Variants in IFT43 observed in about 807,000 individuals in gnomAD.
IFT43 encodes intraflagellar transport protein 43 homolog.
IFT43 carries 33 observed loss-of-function variants against 32.3 expected under a neutral mutation model. The ratio of observed to expected loss-of-function variants is 1.02; its 90% CI spans 0.77 to 1.37. IFT43 has a LOEUF of 1.37. Among genes scored for constraint, IFT43 ranks in the 40% most tolerant of loss-of-function variants. The pLI, the probability that IFT43 is intolerant of heterozygous loss-of-function variation, is 0.00. For missense variants in IFT43, 274 were observed against 265.9 expected, an observed-to-expected ratio of 1.03 and a Z score of -0.21; for synonymous variants, 93 against 98.2, an observed-to-expected ratio of 0.95 and a Z score of 0.31.
At chr14:76,076,554 A>AT in intron 5 of IFT43, 1 of 1,612,600 alleles carries the variant, frequency 6.2e-7, no homozygotes, top group Non-Finnish European at 8.5e-7. Context: ...GGGTATACTC[A>AT]TTGCAAGCTG....
intron 3 of IFT43, among the ~76,000 whole-genome samples, chr14:76,048,231 C>T (rs1594844404): frequency 6.6e-6 from 1 of 152,186 alleles, no homozygotes; most frequent in South Asian, 2.1e-4. Flanking sequence ...ATAAAATTGT[C>T]TTTACTGCTA....
Position 75,995,597 on chromosome 14 carries a change from C to T in IFT43, c.147+6620C>T, listed in dbSNP as rs1022885039. On this transcript the variant is annotated intron_variant, in intron 2 of 8. Coordinates refer to ENST00000314067, the MANE Select transcript of IFT43 (RefSeq NM_001102564.3). ...GGAGCTCCCTTGGCACTTTGCATTA[C>T]GTCTCTCGCCCTCCGCCTGTCCCCT... Among the ~76,000 whole-genome samples the T allele has an allele frequency of 7.2e-5, 11 of 152,270 alleles. No individual in the cohort carries two copies. The East Asian group carries it at 7.7e-4, about 11-fold the overall frequency.
In IFT43 at chr14:76,082,630, C is replaced by T. The variant is rs537877088; in HGVS notation, c.382C>T (p.Arg128Trp). 1.2e-4 allele frequency: 200 copies of T among 1,614,154 alleles called. 2 individuals carry two copies. The South Asian group carries it at 2.0e-3, about 16-fold the overall frequency. ...TCTTTCCTTCAGCATCCAGATAAAG[C>T]GGGTGATGACCTACCGTGACCTGGA... The part of the protein sequence containing the change: ...VAAPPSIQIK[R>W]VMTYRDLDND... Residue 128 changes from arginine (R) to tryptophan (W), a missense_variant, in exon 7 of 9, where the codon CGG (arginine) becomes TGG (tryptophan). Transcript: ENST00000314067.
chr14:76,076,137 G>T (rs1001403201), intron 5 of IFT43, among the ~76,000 whole-genome samples: 1 of 152,246 alleles, frequency 6.6e-6, no homozygotes, highest in Admixed American at 6.5e-5. Context: ...CACTGAGTGG[G>T]AAAGAAATTT....
At chr14:75,995,640 G>A (rs2035730184) in intron 2 of IFT43, among the ~76,000 whole-genome samples, 1 of 152,110 alleles carries the variant, frequency 6.6e-6, no homozygotes, top group South Asian at 2.1e-4. Context: ...CTGCCAGCCA[G>A]GCAGTTATTT....
intron 5 of IFT43, among the ~76,000 whole-genome samples, chr14:76,071,409 A>G (rs1435886700): frequency 6.6e-6 from 1 of 152,224 alleles, no homozygotes; most frequent in Non-Finnish European, 1.5e-5. Context: ...GAGGAAACCA[A>G]AACTTTATGA....
intron 2 of IFT43, among the ~76,000 whole-genome samples, chr14:75,999,549 A>T (rs527689950): frequency 6.6e-6 from 1 of 152,062 alleles, no homozygotes; most frequent in Admixed American, 6.5e-5. Flanking sequence ...TCATATTCTA[A>T]GTGGGGAACC....
chr14:75,988,153 C>T (rs1251658180), intron 1 of IFT43, among the ~76,000 whole-genome samples: 1 of 152,156 alleles, frequency 6.6e-6, no homozygotes, highest in Non-Finnish European at 1.5e-5. Flanking sequence ...TTTGCCATCT[C>T]TATAGCTGTT....
intron 2 of IFT43, among the ~76,000 whole-genome samples, chr14:76,009,528 T>C (rs2036040614): frequency 6.6e-6 from 1 of 152,238 alleles, no homozygotes; most frequent in South Asian, 2.1e-4. Context: ...GTTCTCTCTA[T>C]TTTTGTCTCT....
At chr14:76,001,768 T>A (rs2035890220) in intron 2 of IFT43, among the ~76,000 whole-genome samples, 1 of 152,182 alleles carries the variant, frequency 6.6e-6, no homozygotes, top group Non-Finnish European at 1.5e-5. Context: ...ATCAATGTGC[T>A]GGCATCTGGT....
rs140267671 is a variant in IFT43 at position 76,033,032 on chromosome 14, A to G, written c.215+10638A>G. Reference sequence around the variant, plus strand: ...AGCTCAAGAGTCTAAAAGTGAGGTCAAAAAAGAGATGCACTTTGAGTCATC... The same window carrying G: ...AGCTCAAGAGTCTAAAAGTGAGGTCGAAAAAGAGATGCACTTTGAGTCATC... On this transcript the variant is annotated intron_variant, in intron 3 of 8. Transcript: ENST00000314067. 7.1e-3 allele frequency among the ~76,000 whole-genome samples: 1,089 copies of G among 152,338 alleles called. 9 individuals carry two copies. The highest frequency in any genetic ancestry group is 0.011 in the Non-Finnish European group (762 of 68,042).
rs181776912 is a variant in IFT43, at chr14:76,011,672, G to A, written c.148-10655G>A. ...TTCTTATACGTAAAATAGACTTTGC[G>A]TTTTGATATGTCCATTTCAGCTTGA... On this transcript the variant is annotated intron_variant, in intron 2 of 8. Coordinates refer to ENST00000314067, the MANE Select transcript of IFT43 (RefSeq NM_001102564.3). 3.3e-4 allele frequency among the ~76,000 whole-genome samples: 50 copies of A among 152,248 alleles called. No individual in the cohort carries two copies. The Middle Eastern group carries it at 0.017, about 52-fold the overall frequency.
At chr14:76,035,782 T>A (rs897297846) in intron 3 of IFT43, among the ~76,000 whole-genome samples, 1 of 152,224 alleles carries the variant, frequency 6.6e-6, no homozygotes, top group South Asian at 2.1e-4. Flanking sequence ...TGTGCTGCAC[T>A]GTGGGTGCCA....
intron 5 of IFT43, among the ~76,000 whole-genome samples, chr14:76,078,565 G>A (rs1035891346): frequency 2.0e-5 from 3 of 152,100 alleles, no homozygotes; most frequent in Non-Finnish European, 4.4e-5. Context: ...GACAGATGGA[G>A]TTTCCTCACA....
chr14:76,037,839 A>G (rs1383888871), intron 3 of IFT43, among the ~76,000 whole-genome samples: 1 of 152,178 alleles, frequency 6.6e-6, no homozygotes, highest in African/African-American at 2.4e-5. Flanking sequence ...CTTGGAACAC[A>G]TAGGTGCTCC....
At chr14:76,004,325 C>T (rs985949203) in intron 2 of IFT43, among the ~76,000 whole-genome samples, 2 of 152,040 alleles carry the variant, frequency 1.3e-5, no homozygotes, top group Non-Finnish European at 2.9e-5. Context: ...ATATGGAATT[C>T]CAGATTGAGA....
rs930934330 is a variant in IFT43, at chr14:76,050,032, C to T, written c.216-8610C>T. On this transcript the variant is annotated intron_variant, in intron 3 of 8. Transcript: ENST00000314067. ...TATTTCAGCCACACCATGTCCCCTT[C>T]TGTTTTCCGAACACCTCAGCCCCTG... 3.3e-5 allele frequency among the ~76,000 whole-genome samples: 5 copies of T among 152,200 alleles called. No homozygotes were observed. In the South Asian group the frequency reaches 6.2e-4, roughly 19 times the overall value.
chr14:76,055,122 T>A (rs766089616), intron 3 of IFT43, among the ~76,000 whole-genome samples: 1 of 152,112 alleles, frequency 6.6e-6, no homozygotes, highest in African/African-American at 2.4e-5. Context: ...AGCAGGAGAA[T>A]TGCTTGAGGT....
chr14:76,081,859 C>T (rs1026332663), intron 5 of IFT43, among the ~76,000 whole-genome samples: 4 of 152,216 alleles, frequency 2.6e-5, no homozygotes, highest in Admixed American at 6.5e-5. Context: ...CTCACTGCGG[C>T]ATCCGCTTTG....
Sources: allele counts gnomAD v4.1 joint callset (sites outside exome capture counted in the v4.1 genomes callset), GRCh38; gene constraint gnomAD v4.1.1; transcripts MANE v1.5; gene names NCBI Gene and HGNC (gene_info 2026-07-23, HGNC 2026-07-21).